The following ARHGAP15 variants were observed in gnomAD, a reference collection of about 807,000 sequenced individuals.
The protein encoded by ARHGAP15 is Rho GTPase activating protein 15.
A neutral mutation model predicts 63.7 loss-of-function variants in ARHGAP15; 51 were observed. The observed-to-expected ratio is 0.80, with a 90% CI of 0.64 to 1.01. ARHGAP15 has a LOEUF of 1.01. Among genes scored for constraint, ARHGAP15 ranks in the 50% least tolerant of loss-of-function variants. The probability of loss-of-function intolerance (pLI) is 0.00; values close to 1 mark genes in which losing one functional copy is unlikely to be tolerated. For synonymous variants in ARHGAP15, 191 were observed against 193.8 expected (o/e 0.99, Z 0.12); for missense variants, 560 against 564.6 (o/e 0.99, Z 0.08).
intron 6 of ARHGAP15, among the ~76,000 whole-genome samples, chr2:143,278,858 TTC>T (rs1275330393): frequency 1.4e-5 from 2 of 138,162 alleles, no homozygotes; most frequent in Admixed American, 7.0e-5. Flanking sequence ...GCTGAAGAGT[TTC>T]TTTCTTTCTT....
Position 143,486,658 on chromosome 2 carries a change from G to A in ARHGAP15, c.704-715G>A, listed in dbSNP as rs577908004. Among the ~76,000 whole-genome samples, 50 of 152,222 alleles carry A rather than the reference G, an allele frequency of 3.3e-4. 1 individual carries two copies. The highest frequency in any genetic ancestry group is 4.6e-4 in the Admixed American group (7 of 15,296). On this transcript the variant is annotated intron_variant, in intron 8 of 13. Coordinates refer to ENST00000295095, the MANE Select transcript of ARHGAP15 (RefSeq NM_018460.4). ...GACCTCATGTATTATATTCATCCCCGAATTCACAGCCTTTAGCATGGAGCC... is the reference window on the plus strand; with the variant it reads ...GACCTCATGTATTATATTCATCCCCAAATTCACAGCCTTTAGCATGGAGCC...
intron 2 of ARHGAP15, among the ~76,000 whole-genome samples, chr2:143,166,913 A>T (rs964289926): frequency 6.6e-6 from 1 of 152,052 alleles, no homozygotes; most frequent in African/African-American, 2.4e-5. Flanking sequence ...TTAGATTTAT[A>T]ATGCCTCTTT....
At chr2:143,296,860 C>T (rs1682654727) in intron 6 of ARHGAP15, among the ~76,000 whole-genome samples, 2 of 151,848 alleles carry the variant, frequency 1.3e-5, no homozygotes. Context: ...CTGTTTCCTT[C>T]TTTGTGTTCG....
chr2:143,272,399 G>A (rs1428383397), intron 6 of ARHGAP15, among the ~76,000 whole-genome samples: 3 of 152,140 alleles, frequency 2.0e-5, no homozygotes, highest in African/African-American at 7.2e-5. Flanking sequence ...GGGAGGCTGA[G>A]GTGGATAGAT....
In ARHGAP15 at chr2:143,411,268, T is replaced by C. The variant is rs367672634; in HGVS notation, c.475-24333T>C. On this transcript the variant is annotated intron_variant, in intron 6 of 13. Coordinates refer to ENST00000295095, the MANE Select transcript of ARHGAP15 (RefSeq NM_018460.4). Reference sequence around the variant, plus strand: ...ACATTAAGATACTTATAAAACTATATATTTTAAAGACCATAGCAGGATTCA... The same window carrying C: ...ACATTAAGATACTTATAAAACTATACATTTTAAAGACCATAGCAGGATTCA... Among the ~76,000 whole-genome samples, 10 of 152,238 alleles carry C rather than the reference T, an allele frequency of 6.6e-5. No individual in the cohort carries two copies. In the East Asian group the frequency reaches 1.9e-3, roughly 29 times the overall value.
At chr2:143,361,744 T>G (rs1214469142) in intron 6 of ARHGAP15, among the ~76,000 whole-genome samples, 3 of 152,164 alleles carry the variant, frequency 2.0e-5, no homozygotes, top group Admixed American at 6.5e-5. Context: ...TTAATTGAAT[T>G]TCTACCATAG....
At chr2:143,377,185 T>TA (rs915235007) in intron 6 of ARHGAP15, among the ~76,000 whole-genome samples, 18 of 151,970 alleles carry the variant, frequency 1.2e-4, no homozygotes, top group Admixed American at 3.9e-4. Flanking sequence ...ATAAATACTT[T>TA]AAAAAAAATC....
chr2:143,731,228 T>C (rs1348585027), intron 13 of ARHGAP15, among the ~76,000 whole-genome samples: 1 of 152,186 alleles, frequency 6.6e-6, no homozygotes, highest in Non-Finnish European at 1.5e-5. Context: ...AAAATGGAAA[T>C]AAACTACCTT....
rs934526513 is a variant in ARHGAP15 at position 143,748,569 on chromosome 2, T to G, written c.1245-19420T>G. ...CAATATCTTTCAGTCATTTGCTGCG[T>G]GTATTTGTTTCCTTAAAATGCACAG... On this transcript the variant is annotated intron_variant, in intron 13 of 13. Coordinates refer to ENST00000295095, the MANE Select transcript of ARHGAP15 (RefSeq NM_018460.4). Among the ~76,000 whole-genome samples the G allele has an allele frequency of 4.6e-5, 7 of 152,200 alleles. No individual in the cohort carries two copies. In the East Asian group the frequency reaches 1.3e-3, roughly 29 times the overall value.
intron 6 of ARHGAP15, among the ~76,000 whole-genome samples, chr2:143,367,145 C>T (rs1449954821): frequency 6.6e-6 from 1 of 152,010 alleles, no homozygotes; most frequent in Admixed American, 6.6e-5. Flanking sequence ...TTTCCTTCAA[C>T]AGTTTTTTCC....
intron 1 of ARHGAP15, among the ~76,000 whole-genome samples, chr2:143,153,275 T>A (rs1689907384): frequency 6.6e-6 from 1 of 152,026 alleles, no homozygotes. Context: ...AGAGTTTGAA[T>A]CTATTGAATA....
intron 8 of ARHGAP15, among the ~76,000 whole-genome samples, chr2:143,446,391 T>C (rs1362155008): frequency 6.6e-6 from 1 of 152,000 alleles, no homozygotes; most frequent in Non-Finnish European, 1.5e-5. Flanking sequence ...CTTTTGCAAC[T>C]GTTGAAACAG....
rs551013764 is a variant in ARHGAP15 at position 143,440,908 on chromosome 2, C to T, written c.703+3866C>T. Among the ~76,000 whole-genome samples, 9 of 152,250 alleles carry T rather than the reference C, an allele frequency of 5.9e-5. No individual in the cohort carries two copies. In the South Asian group the frequency reaches 6.2e-4, roughly 11 times the overall value. ...AGGAAAGAGAATTGTCTTCCACTGA[C>T]AGCAAAGAGGGGGAAGGCCCAAATA... On this transcript the variant is annotated intron_variant, in intron 8 of 13. Coordinates refer to ENST00000295095, the MANE Select transcript of ARHGAP15 (RefSeq NM_018460.4).
chr2:143,315,543 C>CT (rs1448198811), intron 6 of ARHGAP15, among the ~76,000 whole-genome samples: 2 of 152,058 alleles, frequency 1.3e-5, no homozygotes, highest in Non-Finnish European at 2.9e-5. Context: ...TGGGACACAG[C>CT]TGTCTGTATT....
intron 13 of ARHGAP15, among the ~76,000 whole-genome samples, chr2:143,753,435 G>C (rs1686456854): frequency 6.6e-6 from 1 of 152,096 alleles, no homozygotes; most frequent in South Asian, 2.1e-4. Flanking sequence ...TAAAAGATGA[G>C]GCATTTCATG....
intron 6 of ARHGAP15, among the ~76,000 whole-genome samples, chr2:143,294,160 C>T (rs1682530961): frequency 6.6e-6 from 1 of 152,032 alleles, no homozygotes; most frequent in Non-Finnish European, 1.5e-5. Flanking sequence ...CTTACATACT[C>T]TGGAACCCAC....
intron 12 of ARHGAP15, among the ~76,000 whole-genome samples, chr2:143,624,731 T>C (rs1231963812): frequency 6.6e-6 from 1 of 152,184 alleles, no homozygotes; most frequent in Non-Finnish European, 1.5e-5. Flanking sequence ...TCACTCACCC[T>C]TCACCCACCA....
rs549016265 is a variant in ARHGAP15 at position 143,661,036 on chromosome 2, C to T, written c.1138+36769C>T. Among the ~76,000 whole-genome samples, 6 of 152,204 alleles carry T rather than the reference C, an allele frequency of 3.9e-5. No homozygotes were observed. The East Asian group carries it at 1.2e-3, about 29-fold the overall frequency. On this transcript the variant is annotated intron_variant, in intron 12 of 13. Coordinates refer to ENST00000295095, the MANE Select transcript of ARHGAP15 (RefSeq NM_018460.4). ...TGCCTTTTCCAGTTTCTAGAGGCCT[C>T]CCACATTCCCTAAACTGGGAATAAC... is the stretch of plus-strand genomic sequence containing the variant.
chr2:143,353,950 C>G lies in ARHGAP15; in HGVS notation c.475-81651C>G, dbSNP rs1685688669. On this transcript the variant is annotated intron_variant, in intron 6 of 13. Transcript: ENST00000295095. ...CATGATGGAGCAAGATTTTAAGGCT[C>G]TAGAATGATGTTGTCTACAGAGCAA... Among the ~76,000 whole-genome samples the G allele has an allele frequency of 2.6e-5, 4 of 151,664 alleles. No individual in the cohort carries two copies. In the South Asian group the frequency reaches 6.2e-4, roughly 24 times the overall value.
Sources: allele counts gnomAD v4.1 joint callset (sites outside exome capture counted in the v4.1 genomes callset), GRCh38; gene constraint gnomAD v4.1.1; transcripts MANE v1.5; gene names NCBI Gene and HGNC (gene_info 2026-07-23, HGNC 2026-07-21).